Variants in LDLRAD4 observed in about 807,000 individuals in gnomAD.
The protein encoded by LDLRAD4 is low-density lipoprotein receptor class A domain-containing protein 4.
In LDLRAD4, 5 loss-of-function variants were observed where a neutral mutation model predicts 17.0. The observed-to-expected ratio is 0.29, with a 90% CI of 0.15 to 0.62. The LOEUF is 0.62. Among genes scored for constraint, LDLRAD4 ranks in the 20% least tolerant of loss-of-function variants. LDLRAD4 has a pLI of 0.84. For missense variants in LDLRAD4, 340 were observed against 424.7 expected (o/e 0.80, Z 1.75); for synonymous variants, 168 against 171.8 (o/e 0.98, Z 0.17).
intron 2 of LDLRAD4, among the ~76,000 whole-genome samples, chr18:13,423,120 G>A (rs2089633168): frequency 6.6e-6 from 1 of 152,208 alleles, no homozygotes; most frequent in Non-Finnish European, 1.5e-5. Context: ...ATCATGATGA[G>A]CCACCACTTC....
intron 3 of LDLRAD4, among the ~76,000 whole-genome samples, chr18:13,543,966 G>T (rs1010916132): frequency 6.6e-6 from 1 of 152,248 alleles, no homozygotes; most frequent in Non-Finnish European, 1.5e-5. Flanking sequence ...ATACCAGGAC[G>T]AGGCCTGCCC....
intron 2 of LDLRAD4, among the ~76,000 whole-genome samples, chr18:13,424,510 G>A (rs2089766526): frequency 6.6e-6 from 1 of 152,150 alleles, no homozygotes; most frequent in East Asian, 1.9e-4. Context: ...GCTGGCCCCT[G>A]GGGATGCAAA....
chr18:13,641,868 G>A, intron 4 of LDLRAD4: 1 of 985,488 alleles, frequency 1.0e-6, no homozygotes, highest in Non-Finnish European at 1.2e-6. Flanking sequence ...TACGTTTTCA[G>A]GAACCGCTCA....
intron 3 of LDLRAD4, among the ~76,000 whole-genome samples, chr18:13,524,145 A>T (rs1347989409): frequency 6.6e-6 from 1 of 152,224 alleles, no homozygotes; most frequent in Non-Finnish European, 1.5e-5. Flanking sequence ...TGTAACTGAG[A>T]GGAGCCTCAG....
chr18:13,294,778 G>T (rs906174487), intron 1 of LDLRAD4, among the ~76,000 whole-genome samples: 2 of 150,912 alleles, frequency 1.3e-5, no homozygotes, highest in African/African-American at 4.9e-5. Context: ...TATTAGGACA[G>T]CCTACCTACT....
At chr18:13,501,365 C>T (rs1328358783) in intron 3 of LDLRAD4, 5 of 152,210 alleles carry the variant, frequency 3.3e-5, no homozygotes, top group African/African-American at 1.2e-4. Flanking sequence ...TAAACCTAGA[C>T]ATTACCTCAT....
chr18:13,244,687 T>A (rs1374005161), intron 1 of LDLRAD4, among the ~76,000 whole-genome samples: 1 of 152,126 alleles, frequency 6.6e-6, no homozygotes, highest in Non-Finnish European at 1.5e-5. Context: ...AGGCCTCTCC[T>A]TCCCTCTTCC....
intron 1 of LDLRAD4, among the ~76,000 whole-genome samples, chr18:13,315,630 C>A (rs1479234986): frequency 6.6e-6 from 1 of 151,650 alleles, no homozygotes; most frequent in Non-Finnish European, 1.5e-5. Flanking sequence ...ACTAAAAATA[C>A]AAAATTAGCC....
At chr18:13,602,716 A>G (rs1006491489) in intron 3 of LDLRAD4, among the ~76,000 whole-genome samples, 1 of 152,016 alleles carries the variant, frequency 6.6e-6, no homozygotes, top group Non-Finnish European at 1.5e-5. Context: ...CCAAAGTGTT[A>G]AGATTACAGG....
At chr18:13,271,878 C>T (rs184833551) in intron 1 of LDLRAD4, among the ~76,000 whole-genome samples, 73 of 150,780 alleles carry the variant, frequency 4.8e-4, no homozygotes, top group African/African-American at 1.7e-3. Flanking sequence ...TTCCACCCCA[C>T]CCTCCTGTTC....
At chr18:13,396,421 T>G (rs1000694393) in intron 2 of LDLRAD4, among the ~76,000 whole-genome samples, 4 of 152,250 alleles carry the variant, frequency 2.6e-5, no homozygotes, top group Non-Finnish European at 5.9e-5. Flanking sequence ...TCTAGATTAC[T>G]TATGATACCA....
intron 4 of LDLRAD4, among the ~76,000 whole-genome samples, chr18:13,638,559 C>G (rs1200811326): frequency 6.6e-6 from 1 of 152,202 alleles, no homozygotes; most frequent in Non-Finnish European, 1.5e-5. Flanking sequence ...TGTGTGCCCC[C>G]AGAGCAGGTG....
At position 13,622,900 on chromosome 18, in the gene LDLRAD4, G is replaced by T. The variant is rs1356225562; in HGVS notation, c.336+1629G>T. ...TCTCCAGGAGCTCCAGAACGCTTGG[G>T]GTCTCTGTGCGCAGGCACACAGGGA... On this transcript the variant is annotated intron_variant, in intron 4 of 5. Transcript: ENST00000359446. This position sits in a 1 kb window ranked among gnomAD's most constrained non-coding sequence, Gnocchi z 5.3. Among the ~76,000 whole-genome samples, 1 of 152,188 alleles carries T rather than the reference G, an allele frequency of 6.6e-6. No homozygotes were observed. The highest frequency in any genetic ancestry group is 1.5e-5 in the Non-Finnish European group (1 of 68,018).
chr18:13,342,106 C>G (rs956146962), intron 1 of LDLRAD4, among the ~76,000 whole-genome samples: 1 of 152,018 alleles, frequency 6.6e-6, no homozygotes, highest in South Asian at 2.1e-4. Flanking sequence ...ATTGTATAAT[C>G]CTTTTAATAT....
chr18:13,386,938 AGATAGATAGATG>A (rs1415406970), intron 1 of LDLRAD4, among the ~76,000 whole-genome samples: 57 of 128,398 alleles, frequency 4.4e-4, no homozygotes, highest in East Asian at 2.9e-3. Context: ...ATAGATAGAT[AGATAGATAGATG>A]GATGGATGGA....
At chr18:13,221,613 G>A (rs1260126231) in intron 1 of LDLRAD4, among the ~76,000 whole-genome samples, 1 of 152,288 alleles carries the variant, frequency 6.6e-6, no homozygotes, top group Non-Finnish European at 1.5e-5. Context: ...GCTAGTACCT[G>A]TACTATTAAT....
intron 3 of LDLRAD4, among the ~76,000 whole-genome samples, chr18:13,468,825 G>T (rs2092693187): frequency 7.9e-6 from 1 of 127,134 alleles, no homozygotes; most frequent in Admixed American, 1.0e-4. Flanking sequence ...ACAGGAAGGG[G>T]AACATCACAC....
intron 3 of LDLRAD4, among the ~76,000 whole-genome samples, chr18:13,565,637 C>T (rs2094590856): frequency 6.6e-6 from 1 of 152,202 alleles, no homozygotes; most frequent in African/African-American, 2.4e-5. Flanking sequence ...GTGCCCCTGT[C>T]AACAAGCAGA....
chr18:13,404,749 G>C (rs1316860702), intron 2 of LDLRAD4, among the ~76,000 whole-genome samples: 1 of 151,460 alleles, frequency 6.6e-6, no homozygotes, highest in Non-Finnish European at 1.5e-5. Context: ...AGTGAGCCGA[G>C]ATCGTGCCAC....
Sources: allele counts gnomAD v4.1 joint callset (sites outside exome capture counted in the v4.1 genomes callset), GRCh38; gene constraint gnomAD v4.1.1; non-coding constraint Gnocchi (gnomAD v3.1); transcripts MANE v1.5; gene names NCBI Gene and HGNC (gene_info 2026-07-23, HGNC 2026-07-21).